The following ZNF536 variants were observed in gnomAD, a reference collection of about 807,000 sequenced individuals.
ZNF536 encodes the protein zinc finger protein 536.
ZNF536 carries 13 observed loss-of-function variants against 84.5 expected under a neutral mutation model. The observed-to-expected ratio is 0.15, with a 90% CI of 0.10 to 0.24. The LOEUF is 0.24. Among genes scored for constraint, ZNF536 ranks in the 10% least tolerant of loss-of-function variants. The probability of loss-of-function intolerance (pLI) is 1.00; values close to 1 mark genes in which losing one functional copy is unlikely to be tolerated. For missense variants in ZNF536, 1,536 were observed against 1,747.5 expected (o/e 0.88, Z 2.16); for synonymous variants, 811 against 742.5 (o/e 1.09, Z -1.50).
At chr19:30,659,326 C>G (rs12979512) in intron 1 of ZNF536, among the ~76,000 whole-genome samples, 6 of 151,732 alleles carry the variant, frequency 4.0e-5, no homozygotes, top group African/African-American at 1.5e-4. Flanking sequence ...AGGTGCCACA[C>G]ACATTTAAAC....
intron 1 of ZNF536, among the ~76,000 whole-genome samples, chr19:30,657,591 C>T (rs1007784998): frequency 3.3e-5 from 5 of 152,236 alleles, no homozygotes; most frequent in African/African-American, 1.2e-4. Context: ...CTTCCCCCTG[C>T]ACTCTCTTCC....
intron 1 of ZNF536, among the ~76,000 whole-genome samples, chr19:30,418,773 A>T (rs1025695094): frequency 1.3e-5 from 2 of 152,168 alleles, no homozygotes; most frequent in African/African-American, 4.8e-5. Flanking sequence ...TTTCTTCCAA[A>T]TTATGCAATT....
At chr19:30,268,724 T>C (rs1432758835) in intron 1 of ZNF536, among the ~76,000 whole-genome samples, 1 of 152,112 alleles carries the variant, frequency 6.6e-6, no homozygotes, top group Non-Finnish European at 1.5e-5. Context: ...GTACTTAGAG[T>C]TGAAATAAAT....
At chr19:30,654,200 G>A (rs1051260146) in intron 1 of ZNF536, among the ~76,000 whole-genome samples, 1 of 152,202 alleles carries the variant, frequency 6.6e-6, no homozygotes, top group Non-Finnish European at 1.5e-5. Context: ...TGCCCAGGCT[G>A]CGTGGGGCCC....
chr19:30,516,209 G>A (rs998238179), intron 2 of ZNF536, among the ~76,000 whole-genome samples: 1 of 152,088 alleles, frequency 6.6e-6, no homozygotes. Flanking sequence ...GGACCATAGA[G>A]AGAACTAGGT....
intron 1 of ZNF536, among the ~76,000 whole-genome samples, chr19:30,621,790 C>A (rs560949089): frequency 6.6e-6 from 1 of 152,256 alleles, no homozygotes; most frequent in East Asian, 1.9e-4. Flanking sequence ...AGCTCTGCAG[C>A]TGCTTAGAGG....
At chr19:30,705,500 T>C (rs1388983093) in intron 1 of ZNF536, among the ~76,000 whole-genome samples, 1 of 152,220 alleles carries the variant, frequency 6.6e-6, no homozygotes, top group East Asian at 1.9e-4. Context: ...TTTATATCCA[T>C]TGGAAATTTG....
At chr19:30,670,258 GCGC>G (rs1453964374) in intron 1 of ZNF536, among the ~76,000 whole-genome samples, 1 of 152,000 alleles carries the variant, frequency 6.6e-6, no homozygotes, top group Non-Finnish European at 1.5e-5. Flanking sequence ...CTCCCCTCCT[GCGC>G]CGCTTCTCAT....
At chr19:30,570,955 C>T (rs181473187) in intron 1 of ZNF536, among the ~76,000 whole-genome samples, 8 of 152,280 alleles carry the variant, frequency 5.3e-5, no homozygotes, top group African/African-American at 1.9e-4. Flanking sequence ...GTTATCAAAA[C>T]ACATCCTCTG....
At chr19:30,294,425 A>G (rs1290351459) in intron 2 of ZNF536, among the ~76,000 whole-genome samples, 3 of 152,228 alleles carry the variant, frequency 2.0e-5, no homozygotes, top group Non-Finnish European at 4.4e-5. Flanking sequence ...AGCTGAACTC[A>G]ACAGAATAAT....
intron 2 of ZNF536, among the ~76,000 whole-genome samples, chr19:30,326,671 G>A (rs940280638): frequency 2.0e-5 from 3 of 151,820 alleles, no homozygotes; most frequent in South Asian, 2.1e-4. Context: ...CTTTCGATGC[G>A]GGAGGCACGA....
chr19:30,443,808 G>A lies in ZNF536; in HGVS notation c.246G>A (p.Ala82=), dbSNP rs527453543. The A allele has an allele frequency of 5.0e-6, 8 of 1,613,012 alleles. No homozygotes were observed. The South Asian group carries it at 5.5e-5, about 11-fold the overall frequency. The change falls in exon 2 of 5, where the codon GCG becomes GCA. Residue 82 remains alanine, a synonymous_variant. Transcript: ENST00000355537. ...MSGQPMGSQM[A]LLANQLGREV... is the part of the protein sequence containing the mutation. ...GCCAGCCCATGGGCAGTCAGATGGC[G>A]CTCCTGGCCAACCAGCTGGGCCGGG...
intron 1 of ZNF536, among the ~76,000 whole-genome samples, chr19:30,399,967 C>A (rs538416682): frequency 6.6e-6 from 1 of 152,170 alleles, no homozygotes; most frequent in South Asian, 2.1e-4. Flanking sequence ...GGATTACAGG[C>A]GTGAGCCACC....
intron 1 of ZNF536, among the ~76,000 whole-genome samples, chr19:30,601,367 G>A (rs947512412): frequency 2.6e-5 from 4 of 152,172 alleles, no homozygotes; most frequent in Admixed American, 1.3e-4. Flanking sequence ...TAGAAAGTCC[G>A]TGTTCGTGAG....
rs1202930374 is a variant in ZNF536, at chr19:30,439,963, T to TC, written c.-2-3598_-2-3597insC. Among the ~76,000 whole-genome samples the TC allele has an allele frequency of 1.5e-4, 19 of 124,380 alleles. 1 individual carries two copies. The highest frequency in any genetic ancestry group is 2.0e-4 in the Non-Finnish European group (11 of 55,924). The allele number at this position is 124,380 out of a possible 152,430, so 81.6% of individuals were successfully genotyped here. A position where few individuals can be genotyped will look rare whatever the true frequency, so the allele number is the denominator to read the frequency against. On this transcript the variant is annotated intron_variant, in intron 1 of 4. Transcript: ENST00000355537. ...TTCTTTTCTTTTTCTTTCTTTCTTT[T>TC]TTTTTTTTTTTTTTTTTGACAGAGT...
intron 1 of ZNF536, among the ~76,000 whole-genome samples, chr19:30,428,717 CAG>C (rs1242732169): frequency 1.3e-5 from 2 of 152,304 alleles, no homozygotes; most frequent in East Asian, 1.9e-4. Context: ...TGAGATAGTA[CAG>C]AGTGTCCAAC....
intron 2 of ZNF536, 102 bp from the exon 3 acceptor site, chr19:30,534,745 G>A: frequency 8.4e-7 from 1 of 1,194,414 alleles, no homozygotes. Context: ...ATAGACAGGT[G>A]TAGTATTGAC....
intron 2 of ZNF536, among the ~76,000 whole-genome samples, chr19:30,346,496 T>A (rs2047746817): frequency 6.6e-6 from 1 of 152,132 alleles, no homozygotes; most frequent in Non-Finnish European, 1.5e-5. Context: ...CCTCCCACCC[T>A]CCACCCTCTG....
At chr19:30,593,477 C>CAG (rs2047342390) in intron 1 of ZNF536, among the ~76,000 whole-genome samples, 1 of 152,182 alleles carries the variant, frequency 6.6e-6, no homozygotes, top group Non-Finnish European at 1.5e-5. Context: ...CAGCAGCCCT[C>CAG]AGGCCTGGCT....
Sources: gnomAD v4.1 joint callset for allele counts (sites outside exome capture counted in the v4.1 genomes callset) on GRCh38, gnomAD v4.1.1 for gene constraint, MANE v1.5 for transcripts, NCBI Gene and HGNC (gene_info 2026-07-23, HGNC 2026-07-21) for gene names.